KLF8: variants seen among roughly 807,000 people sequenced by gnomAD.
KLF8 encodes the protein Krueppel-like factor 8.
In KLF8, 10 loss-of-function variants were observed where a neutral mutation model predicts 18.2. The observed-to-expected ratio is 0.55, with a 90% CI of 0.34 to 0.93. The LOEUF is 0.93. KLF8 is among the 40% of genes least tolerant of loss of function. The pLI, the probability that KLF8 is intolerant of heterozygous loss-of-function variation, is 0.02. For missense variants in KLF8, 264 were observed against 277.9 expected (o/e 0.95, Z 0.36); for synonymous variants, 109 against 97.3 (o/e 1.12, Z -0.71).
the KLF8 span, among the ~76,000 whole-genome samples, chrX:56,157,571 C>T: frequency 6.4e-5 from 7 of 110,122 alleles, no homozygotes; most frequent in South Asian, 3.8e-4. Flanking sequence ...GACTTTTTAA[C>T]GATCGTCATT....
the KLF8 span, among the ~76,000 whole-genome samples, chrX:55,965,091 C>T: frequency 1.8e-5 from 2 of 111,393 alleles, no homozygotes; most frequent in Non-Finnish European, 3.8e-5. Flanking sequence ...CCTGGCACAG[C>T]AACAATGAAA....
the KLF8 span, among the ~76,000 whole-genome samples, chrX:56,188,326 C>A: frequency 9.0e-6 from 1 of 111,161 alleles, no homozygotes; most frequent in Admixed American, 9.6e-5. Flanking sequence ...ATGTGAAGGA[C>A]CTCTTCAAGG....
chrX:56,058,302 A>ACATATATATATATATG, the KLF8 span, among the ~76,000 whole-genome samples: 5 of 66,483 alleles, frequency 7.5e-5, no homozygotes, highest in African/African-American at 2.8e-4. Flanking sequence ...ATATATATAT[A>ACATATATATATATATG]TATATATATA....
chrX:56,079,804 A>G, the KLF8 span, among the ~76,000 whole-genome samples: 1 of 109,217 alleles, frequency 9.2e-6, no homozygotes, highest in Non-Finnish European at 1.9e-5. Flanking sequence ...TAGGTCACTC[A>G]GGACTTGCTT....
chrX:56,061,977 C>T, the KLF8 span, among the ~76,000 whole-genome samples: 1 of 81,152 alleles, frequency 1.2e-5, no homozygotes, highest in African/African-American at 6.5e-5. Context: ...ACCAGGATTG[C>T]AACCCCTGCT....
the KLF8 span, among the ~76,000 whole-genome samples, chrX:56,092,780 T>TC: frequency 1.6e-4 from 17 of 109,096 alleles, no homozygotes; most frequent in Non-Finnish European, 3.0e-4. Flanking sequence ...TTCAAAGGGC[T>TC]CTAATGGAAA....
the KLF8 span, among the ~76,000 whole-genome samples, chrX:56,081,307 T>C: frequency 3.6e-5 from 4 of 111,997 alleles, no homozygotes; most frequent in Admixed American, 1.9e-4. Context: ...ATGATGGTGA[T>C]GTACAGATGG....
the KLF8 span, among the ~76,000 whole-genome samples, chrX:56,184,235 C>A: frequency 8.9e-6 from 1 of 112,351 alleles, no homozygotes; most frequent in Non-Finnish European, 1.9e-5. Context: ...GCACCTGGCT[C>A]AGAGAGTCCT....
chrX:56,106,413 T>C, the KLF8 span, among the ~76,000 whole-genome samples: 89 of 112,025 alleles, frequency 7.9e-4, no homozygotes, highest in African/African-American at 2.4e-3. Flanking sequence ...CTTTGTTCAT[T>C]TGTTTTTACC....
At chrX:55,960,231 C>T in the KLF8 span, among the ~76,000 whole-genome samples, 11 of 112,326 alleles carry the variant, frequency 9.8e-5, no homozygotes, top group Non-Finnish European at 1.9e-4. Context: ...CTGAAGAAGT[C>T]CTTGGCTGGG....
chrX:56,239,859 T>C (rs2066521984), intron 1 of KLF8, among the ~76,000 whole-genome samples: 1 of 112,179 alleles, frequency 8.9e-6, no homozygotes, highest in African/African-American at 3.2e-5. Context: ...CTTTCATTTT[T>C]TTCTGCATTT....
chrX:56,042,660 C>T, the KLF8 span, among the ~76,000 whole-genome samples: 15 of 111,690 alleles, frequency 1.3e-4, no homozygotes, highest in African/African-American at 2.0e-4. Flanking sequence ...GAATTGCAAC[C>T]GCTGTTGTTT....
chrX:55,947,920 A>C, the KLF8 span, among the ~76,000 whole-genome samples: 1 of 112,228 alleles, frequency 8.9e-6, no homozygotes, highest in African/African-American at 3.2e-5. Context: ...TACAGTGTAC[A>C]TTTTTGCTAG....
At chrX:56,054,184 T>C in the KLF8 span, among the ~76,000 whole-genome samples, 1 of 110,972 alleles carries the variant, frequency 9.0e-6, no homozygotes, top group African/African-American at 3.3e-5. Context: ...CAGGCTGGAG[T>C]GCAGTGGCAT....
the KLF8 span, among the ~76,000 whole-genome samples, chrX:56,058,269 CATATATATACATATAT>C: frequency 2.4e-3 from 38 of 15,965 alleles, 1 homozygote; most frequent in African/African-American, 7.8e-3. Flanking sequence ...CATATATATA[CATATATATACATATAT>C]ATATATATAT....
the KLF8 span, among the ~76,000 whole-genome samples, chrX:56,038,753 G>A: frequency 8.9e-6 from 1 of 112,557 alleles, no homozygotes; most frequent in African/African-American, 3.2e-5. Context: ...GCTGGGAGAA[G>A]TTGTATTTCT....
the KLF8 span, among the ~76,000 whole-genome samples, chrX:55,924,454 A>G: frequency 9.1e-6 from 1 of 110,253 alleles, no homozygotes; most frequent in Admixed American, 9.7e-5. Flanking sequence ...TTATGTATTT[A>G]TTTTGTTTAT....
chrX:55,981,252 G>T, the KLF8 span, among the ~76,000 whole-genome samples: 37 of 111,833 alleles, frequency 3.3e-4, no homozygotes, highest in African/African-American at 9.1e-4. Context: ...GTGGTTCAGG[G>T]GATACTGTAA....
chrX:56,118,219 C>A, the KLF8 span, among the ~76,000 whole-genome samples: 3 of 111,424 alleles, frequency 2.7e-5, no homozygotes, highest in African/African-American at 6.5e-5. Context: ...AGTTTACCTA[C>A]CCCACAGGGC....
Sources: gnomAD v4.1 joint callset for allele counts (sites outside exome capture counted in the v4.1 genomes callset) on GRCh38, gnomAD v4.1.1 for gene constraint, MANE v1.5 for transcripts, NCBI Gene and HGNC (gene_info 2026-07-23, HGNC 2026-07-21) for gene names.